Variants in LSAMP observed in about 807,000 individuals in gnomAD.
The protein encoded by LSAMP is limbic system-associated membrane protein.
Under a neutral mutation model 38.6 loss-of-function variants are expected in LSAMP, and 7 were observed. The observed-to-expected ratio is 0.18, with a 90% CI of 0.10 to 0.34. The LOEUF (loss-of-function observed/expected upper bound fraction) is 0.34, where lower values mean the gene tolerates loss of function less well. Ranked by LOEUF, LSAMP falls within the 10% of genes least tolerant of loss-of-function variation. LSAMP has a pLI of 1.00. For missense variants in LSAMP, 313 were observed against 420.0 expected (o/e 0.75, Z 2.23); for synonymous variants, 154 against 166.8 (o/e 0.92, Z 0.59).
intron 2 of LSAMP, among the ~76,000 whole-genome samples, chr3:116,023,624 AC>A (rs1359810194): frequency 2.0e-4 from 29 of 145,646 alleles, no homozygotes; most frequent in African/African-American, 7.4e-4. Context: ...AAAAAAAAAA[AC>A]GGTTTCTTTG....
At chr3:116,196,526 T>C (rs1298492770) in intron 1 of LSAMP, among the ~76,000 whole-genome samples, 1 of 152,208 alleles carries the variant, frequency 6.6e-6, no homozygotes, top group African/African-American at 2.4e-5. Context: ...CTCCCCGATA[T>C]ACTATCTAAG....
At chr3:115,869,810 T>C (rs2107389923) in intron 3 of LSAMP, among the ~76,000 whole-genome samples, 2 of 152,248 alleles carry the variant, frequency 1.3e-5, no homozygotes, top group East Asian at 3.9e-4. Flanking sequence ...ACAAAAATCC[T>C]GTAGTGCTAG....
intron 1 of LSAMP, among the ~76,000 whole-genome samples, chr3:116,307,759 C>T (rs1025538564): frequency 6.6e-6 from 1 of 151,768 alleles, no homozygotes; most frequent in African/African-American, 2.4e-5. Flanking sequence ...TGAGAAACAG[C>T]TTATGATATA....
intron 2 of LSAMP, among the ~76,000 whole-genome samples, chr3:116,044,708 T>C (rs1453121190): frequency 1.3e-5 from 2 of 151,936 alleles, no homozygotes; most frequent in African/African-American, 4.8e-5. Flanking sequence ...TAGAAGGTAA[T>C]TCATATATCA....
At chr3:116,294,710 A>G (rs373953442) in intron 1 of LSAMP, among the ~76,000 whole-genome samples, 1 of 152,226 alleles carries the variant, frequency 6.6e-6, no homozygotes, top group Non-Finnish European at 1.5e-5. Flanking sequence ...AAATTAATTT[A>G]TATATTCTGT....
chr3:116,135,288 AT>A (rs1376053225), intron 1 of LSAMP, among the ~76,000 whole-genome samples: 2 of 152,186 alleles, frequency 1.3e-5, no homozygotes, highest in Admixed American at 1.3e-4. Context: ...ATCTGTCAAA[AT>A]TAACAACGTT....
intron 1 of LSAMP, among the ~76,000 whole-genome samples, chr3:116,262,054 G>A (rs770463421): frequency 4.7e-4 from 71 of 151,900 alleles, no homozygotes; most frequent in Non-Finnish European, 9.3e-4. Context: ...TCCCTATTGA[G>A]CCTAATGGAG....
At chr3:116,246,330 A>G (rs1029641694) in intron 1 of LSAMP, among the ~76,000 whole-genome samples, 4 of 146,870 alleles carry the variant, frequency 2.7e-5, no homozygotes, top group Non-Finnish European at 5.9e-5. Flanking sequence ...AATACATAGG[A>G]GCATAAATAT....
At chr3:115,992,234 G>C (rs1183493073) in intron 3 of LSAMP, among the ~76,000 whole-genome samples, 1 of 152,008 alleles carries the variant, frequency 6.6e-6, no homozygotes. Context: ...ATGTGATACA[G>C]ATGAGGACCC....
intron 2 of LSAMP, among the ~76,000 whole-genome samples, chr3:116,038,316 T>C (rs1381155781): frequency 2.0e-5 from 3 of 152,142 alleles, no homozygotes; most frequent in Non-Finnish European, 4.4e-5. Context: ...CACTAATCTC[T>C]GAAGACGCCA....
chr3:116,423,738 G>A (rs748643578), intron 1 of LSAMP, among the ~76,000 whole-genome samples: 3 of 152,152 alleles, frequency 2.0e-5, no homozygotes, highest in Non-Finnish European at 2.9e-5. Context: ...CCAGAAACAC[G>A]AGAGAAAGAG....
intron 1 of LSAMP, among the ~76,000 whole-genome samples, chr3:116,354,791 C>T (rs1481194847): frequency 2.0e-5 from 3 of 151,640 alleles, no homozygotes; most frequent in African/African-American, 7.3e-5. Flanking sequence ...AGAAAGTAAT[C>T]AAAGACTTTA....
chr3:116,139,030 CACATT>C (rs944450854), intron 1 of LSAMP, among the ~76,000 whole-genome samples: 4 of 151,714 alleles, frequency 2.6e-5, no homozygotes, highest in Admixed American at 2.0e-4. Flanking sequence ...AATGCATATG[CACATT>C]ACATATGTAT....
chr3:116,205,567 A>G (rs2046055159), intron 1 of LSAMP, among the ~76,000 whole-genome samples: 4 of 63,562 alleles, frequency 6.3e-5, no homozygotes, highest in South Asian at 1.2e-3. Context: ...ATTATTTTGA[A>G]ATACGTCCCA....
chr3:116,235,395 C>A (rs191090961), intron 1 of LSAMP, among the ~76,000 whole-genome samples: 91 of 152,182 alleles, frequency 6.0e-4, no homozygotes, highest in African/African-American at 2.1e-3. Context: ...GAATTATAGG[C>A]ATGAGCCACC....
chr3:116,392,568 C>A (rs2048717884), intron 1 of LSAMP, among the ~76,000 whole-genome samples: 1 of 152,220 alleles, frequency 6.6e-6, no homozygotes, highest in African/African-American at 2.4e-5. Context: ...CTGAAGGTGC[C>A]CCTTGGCATG....
intron 1 of LSAMP, among the ~76,000 whole-genome samples, chr3:116,197,130 GACACACACACACAC>G (rs10650049): frequency 7.3e-6 from 1 of 136,744 alleles, no homozygotes; most frequent in Non-Finnish European, 1.6e-5. Flanking sequence ...ATCCCACTCG[GACACACACACACAC>G]ACACACACAC....
At chr3:115,826,291 T>A (rs2107474371) in intron 6 of LSAMP, among the ~76,000 whole-genome samples, 1 of 151,964 alleles carries the variant, frequency 6.6e-6, no homozygotes, top group African/African-American at 2.4e-5. Flanking sequence ...ATTTTTTGTA[T>A]TTTTTAGTAG....
chr3:116,074,064 T>C (rs999318924), intron 2 of LSAMP, among the ~76,000 whole-genome samples: 1 of 152,208 alleles, frequency 6.6e-6, no homozygotes, highest in Non-Finnish European at 1.5e-5. Context: ...CACTTCCATA[T>C]AAGCTCACTG....
Sources: gnomAD v4.1 joint callset for allele counts (sites outside exome capture counted in the v4.1 genomes callset) on GRCh38, gnomAD v4.1.1 for gene constraint, MANE v1.5 for transcripts, NCBI Gene and HGNC (gene_info 2026-07-23, HGNC 2026-07-21) for gene names.